HHEX: variants seen among roughly 807,000 people sequenced by gnomAD.
The protein encoded by HHEX is hematopoietically expressed homeobox.
Under a neutral mutation model 27.0 loss-of-function variants are expected in HHEX, and 8 were observed. That is an observed-to-expected ratio of 0.30 (90% CI 0.17 to 0.54). The LOEUF is 0.54. Ranked by LOEUF, HHEX falls within the 20% of genes least tolerant of loss-of-function variation. HHEX has a pLI of 0.95. For missense variants in HHEX, 326 were observed against 357.2 expected, an observed-to-expected ratio of 0.91 and a Z score of 0.70; for synonymous variants, 164 against 161.5, an observed-to-expected ratio of 1.02 and a Z score of -0.12.
chr10:92,690,030 T>C lies in HHEX; in HGVS notation c.44T>C (p.Val15Ala). Residue 15 changes from valine (V) to alanine (A), a missense_variant, in exon 1 of 4, where the codon GTG (valine) becomes GCG (alanine). Coordinates refer to ENST00000282728, the MANE Select transcript of HHEX (RefSeq NM_002729.5). ...GGGCCGGCGGCGGGCGCCGTGGGGG[T>C]GCCGCTGTACGCGCCCACGCCGCTG... ...HPGPAAGAVG[V>A]PLYAPTPLLQ... 3.3e-6 allele frequency: 5 copies of C among 1,500,404 alleles called. No individual in the cohort carries two copies. Among genetic ancestry groups the C allele is most frequent in the Non-Finnish European group, 4.4e-6 (5 of 1,129,590 alleles). 92.9% of individuals were successfully genotyped at this position (1,500,404 alleles called of 1,614,324 possible).
At chr10:92,692,056 A>C in intron 1 of HHEX, 1 of 220,676 alleles carries the variant, frequency 4.5e-6, no homozygotes, top group Non-Finnish European at 9.1e-6. Flanking sequence ...GGGTCGTGGT[A>C]TTGTAAGCCC....
chr10:92,692,236 G>T (rs1338047274), intron 1 of HHEX, 132 bp from the exon 2 acceptor site: 2 of 828,438 alleles, frequency 2.4e-6, no homozygotes, highest in Non-Finnish European at 3.8e-6. Context: ...TCCACGTGCC[G>T]GTGGGTGTAT....
At chr10:92,692,819 T>A (rs1845371202) in intron 3 of HHEX, 67 bp downstream of exon 3, 2 of 1,282,152 alleles carry the variant, frequency 1.6e-6, no homozygotes, top group Non-Finnish European at 2.3e-6. Context: ...GCAAGGCTGT[T>A]ATGGGTTGTA....
chr10:92,692,852 A>T, intron 3 of HHEX, 100 bp downstream of exon 3: 1 of 961,070 alleles, frequency 1.0e-6, no homozygotes, highest in Non-Finnish European at 1.6e-6. Context: ...TTAAGAGACT[A>T]TTTAACCTCT....
At chr10:92,693,587 A>G (rs1564729439) in intron 3 of HHEX, among the ~76,000 whole-genome samples, 1 of 152,212 alleles carries the variant, frequency 6.6e-6, no homozygotes, top group African/African-American at 2.4e-5. Context: ...TTTTTCATTA[A>G]AAAGAAAGTG....
chr10:92,692,598 G>GGT (rs1845368727), intron 2 of HHEX, 52 bp downstream of exon 2: 1 of 1,602,550 alleles, frequency 6.2e-7, no homozygotes, highest in African/African-American at 1.4e-5. Flanking sequence ...AGGCTTCTGG[G>GGT]GTAGGGGTCG....
rs917914135 is a variant in HHEX at position 92,690,063 on chromosome 10, C to G, written c.77C>G (p.Pro26Arg). The G allele has an allele frequency of 8.4e-6, 13 of 1,543,314 alleles. No individual in the cohort carries two copies. The African/African-American group carries it at 1.8e-4, about 21-fold the overall frequency. The change falls in exon 1 of 4, where the codon CCC becomes CGC. Residue 26 changes from proline to arginine, a missense_variant. Physicochemically the swap from Pro to Arg is moderately radical, Grantham distance 103. Around this residue, in one of 4 missense-constraint regions of HHEX, gnomAD observed 215 missense variants for 196.4 expected, o/e 1.09. Coordinates refer to ENST00000282728, the MANE Select transcript of HHEX (RefSeq NM_002729.5). ...PLYAPTPLLQ[P>R]AHPTPFYIED... ...TACGCGCCCACGCCGCTGCTGCAAC[C>G]CGCACACCCGACGCCCTTTTACATC... is the stretch of plus-strand genomic sequence containing the variant.
rs1159187572 is a variant in HHEX at position 92,694,618 on chromosome 10, G to T, written c.663G>T (p.Leu221Phe). Residue 221 changes from leucine (L) to phenylalanine (F), a missense_variant, in exon 4 of 4, where the codon TTG (leucine) becomes TTT (phenylalanine). Around this residue, in one of 4 missense-constraint regions of HHEX, gnomAD observed 68 missense variants for 84.9 expected, o/e 0.80. Coordinates refer to ENST00000282728, the MANE Select transcript of HHEX (RefSeq NM_002729.5). The part of the protein sequence containing the change: ...LDSSCDQRQD[L>F]PSEQNKGASL... ...GTTCCTGTGATCAGAGGCAAGATTT[G>T]CCCAGTGAACAGAATAAAGGTGCTT... The T allele has an allele frequency of 6.2e-7, 1 of 1,614,132 alleles. No individual in the cohort carries two copies. Among genetic ancestry groups the T allele is most frequent in the East Asian group, 2.2e-5 (1 of 44,878 alleles).
rs574100012 is a variant in HHEX, at chr10:92,691,057, T to C, written c.361+710T>C. On this transcript the variant is annotated intron_variant, in intron 1 of 3. Coordinates refer to ENST00000282728, the MANE Select transcript of HHEX (RefSeq NM_002729.5). ...TTTTTTCGAGGCTGTTTTGCACCAGTCTGAAGCCTGACGCAAGCAAAATCT... is the reference window on the plus strand; with the variant it reads ...TTTTTTCGAGGCTGTTTTGCACCAGCCTGAAGCCTGACGCAAGCAAAATCT... Among the ~76,000 whole-genome samples, 6 of 152,242 alleles carry C rather than the reference T, an allele frequency of 3.9e-5. No homozygotes were observed. In the South Asian group the frequency reaches 1.2e-3, roughly 32 times the overall value.
In HHEX at chr10:92,694,820, G is replaced by T. The variant is rs1180456487; in HGVS notation, c.*52G>T. 2.2e-6 allele frequency: 3 copies of T among 1,338,168 alleles called. No individual in the cohort carries two copies. The highest frequency in any genetic ancestry group is 3.2e-6 in the Non-Finnish European group (3 of 941,464). The allele number at this position is 1,338,168 out of a possible 1,614,324, so 82.9% of individuals were successfully genotyped here. A position where few individuals can be genotyped will look rare whatever the true frequency, so the allele number is the denominator to read the frequency against. On this transcript the variant is annotated 3_prime_UTR_variant, in exon 4 of 4. Transcript: ENST00000282728. ...AAACTGGATTTAGGAATAATGTTTTGCTACAGAAAATCTTCATAGAAGAAC... is the reference window on the plus strand; with the variant it reads ...AAACTGGATTTAGGAATAATGTTTTTCTACAGAAAATCTTCATAGAAGAAC...
chr10:92,692,997 C>T (rs1845372461), intron 3 of HHEX, among the ~76,000 whole-genome samples: 1 of 152,166 alleles, frequency 6.6e-6, no homozygotes, highest in Non-Finnish European at 1.5e-5. Flanking sequence ...TAGTAAAACT[C>T]CCAGCTAATT....
chr10:92,690,565 C>T (rs1361158059), intron 1 of HHEX, among the ~76,000 whole-genome samples: 1 of 152,072 alleles, frequency 6.6e-6, no homozygotes, highest in East Asian at 1.9e-4. Context: ...CGTCGGGGCG[C>T]GCGGGCCGGC....
chr10:92,694,158 A>G (rs888469373), intron 3 of HHEX, among the ~76,000 whole-genome samples: 2 of 152,244 alleles, frequency 1.3e-5, no homozygotes, highest in East Asian at 3.8e-4. Context: ...TTAATTGGCA[A>G]GGTTTAAATA....
rs757653686 is a variant in HHEX, at chr10:92,694,563, A to G, written c.608A>G (p.Asn203Ser). 13 of 1,613,906 alleles carry G rather than the reference A, an allele frequency of 8.1e-6. No homozygotes were observed. The South Asian group carries it at 1.4e-4, about 18-fold the overall frequency. ...RRLKQENPQSNKKEELESLDS... is the reference protein window; with the variant it reads ...RRLKQENPQSSKKEELESLDS... ...TTTATTCAGGAGAACCCTCAAAGCA[A>G]TAAAAAAGAAGAACTGGAAAGTTTG... The change falls in exon 4 of 4, where the codon AAT (asparagine) becomes AGT (serine). Residue 203 changes from asparagine to serine, a missense_variant. Asn to Ser is a conservative substitution (Grantham distance 46). This residue lies in a region of HHEX where 68 missense variants were observed against 84.9 expected (regional missense o/e 0.80). Coordinates refer to ENST00000282728, the MANE Select transcript of HHEX (RefSeq NM_002729.5).
intron 3 of HHEX, among the ~76,000 whole-genome samples, chr10:92,694,198 A>G (rs1845382255): frequency 6.6e-6 from 1 of 152,238 alleles, no homozygotes; most frequent in Admixed American, 6.5e-5. Context: ...GTGTATCTGT[A>G]GTGATCTGAT....
chr10:92,690,423 G>GA, intron 1 of HHEX, 76 bp downstream of exon 1: 1 of 1,379,166 alleles, frequency 7.3e-7, no homozygotes, highest in Non-Finnish European at 9.4e-7. Flanking sequence ...CCGAGGGGGC[G>GA]AAGGGGGCAG....
Position 92,690,035 on chromosome 10 carries a change from C to T in HHEX, c.49C>T (p.Leu17=). ...GGCGGCGGGCGCCGTGGGGGTGCCG[C>T]TGTACGCGCCCACGCCGCTGCTGCA... ...GPAAGAVGVP[L]YAPTPLLQPA... is the part of the protein sequence containing the mutation. The change falls in exon 1 of 4, where the codon CTG becomes TTG. Residue 17 remains leucine, a synonymous_variant. Coordinates refer to ENST00000282728, the MANE Select transcript of HHEX (RefSeq NM_002729.5). 6.6e-7 allele frequency: 1 copy of T among 1,518,376 alleles called. No individual in the cohort carries two copies. The highest frequency in any genetic ancestry group is 8.8e-7 in the Non-Finnish European group (1 of 1,136,254). The allele number at this position is 1,518,376 out of a possible 1,614,324, so 94.1% of individuals were successfully genotyped here. A position where few individuals can be genotyped will look rare whatever the true frequency, so the allele number is the denominator to read the frequency against.
At position 92,694,556 on chromosome 10, in the gene HHEX, C is replaced by T; in HGVS notation, c.601C>T (p.Gln201Ter). 1 of 1,613,238 alleles carries T rather than the reference C, an allele frequency of 6.2e-7. No individual in the cohort carries two copies. The highest frequency in any genetic ancestry group is 8.5e-7 in the Non-Finnish European group (1 of 1,179,200). ...CATTTCCTTTATTCAGGAGAACCCTCAAAGCAATAAAAAAGAAGAACTGGA... is the reference window on the plus strand; with the variant it reads ...CATTTCCTTTATTCAGGAGAACCCTTAAAGCAATAAAAAAGAAGAACTGGA... ...KWRRLKQENP[Q>*]SNKKEELESL... Residue 201 changes from glutamine to a stop codon, truncating the protein, a stop_gained, in exon 4 of 4, where the codon CAA becomes TAA. Coordinates refer to ENST00000282728, the MANE Select transcript of HHEX (RefSeq NM_002729.5). LOFTEE classifies it high-confidence loss of function.
rs1845389781 is a variant in HHEX at position 92,694,971 on chromosome 10, A to G, written c.*203A>G. On this transcript the variant is annotated 3_prime_UTR_variant, in exon 4 of 4. Transcript: ENST00000282728. ...TTTTGACTTAACAAATAGTTTATGT[A>G]CTGCTCTTAGGTTGTTTTGATAAAG... The G allele has an allele frequency of 1.7e-6, 1 of 571,508 alleles. No homozygotes were observed. Among genetic ancestry groups the G allele is most frequent in the African/African-American group, 1.9e-5 (1 of 53,356 alleles). 35.4% of individuals were successfully genotyped at this position (571,508 alleles called of 1,614,324 possible).
Sources: allele counts gnomAD v4.1 joint callset (sites outside exome capture counted in the v4.1 genomes callset), GRCh38; gene constraint gnomAD v4.1.1; regional missense constraint gnomAD v4.1.1; transcripts MANE v1.5; gene names NCBI Gene and HGNC (gene_info 2026-07-23, HGNC 2026-07-21).